Variants in GPHN observed in about 807,000 individuals in gnomAD.
The protein encoded by GPHN is gephyrin.
Under a neutral mutation model 95.5 loss-of-function variants are expected in GPHN, and 17 were observed. The ratio of observed to expected loss-of-function variants is 0.18; its 90% confidence interval spans 0.12 to 0.27. The LOEUF is 0.27. Among genes scored for constraint, GPHN ranks in the 10% least tolerant of loss-of-function variants. GPHN has a pLI of 1.00. For missense variants in GPHN, 660 were observed against 978.1 expected (o/e 0.67, Z 4.34); for synonymous variants, 320 against 322.5 (o/e 0.99, Z 0.08).
intron 1 of GPHN, among the ~76,000 whole-genome samples, chr14:66,528,737 T>A (rs2058791008): frequency 1.3e-5 from 2 of 152,192 alleles, no homozygotes; most frequent in African/African-American, 4.8e-5. Context: ...TTTGGCTGGA[T>A]ATGTGGTAAT....
At chr14:67,044,968 A>G (rs1264240464) in intron 10 of GPHN, among the ~76,000 whole-genome samples, 1 of 152,052 alleles carries the variant, frequency 6.6e-6, no homozygotes, top group African/African-American at 2.4e-5. Context: ...GAAACCCCAG[A>G]TTTCATCTCC....
chr14:67,586,795 C>G, the GPHN span: 1 of 1,400,730 alleles, frequency 7.1e-7, no homozygotes, highest in Non-Finnish European at 9.4e-7. Flanking sequence ...AAGAAGGCCC[C>G]TTCCCTGGTT....
the GPHN span, among the ~76,000 whole-genome samples, chr14:67,566,852 G>T: frequency 6.6e-6 from 1 of 152,056 alleles, no homozygotes; most frequent in Non-Finnish European, 1.5e-5. Context: ...GAGACGAGGA[G>T]TTATTGTCTC....
chr14:67,291,298 G>A, the GPHN span, among the ~76,000 whole-genome samples: 637 of 150,228 alleles, frequency 4.2e-3, 17 homozygotes, highest in East Asian at 0.056. Context: ...GTGTGATCTC[G>A]GCTCACTGCA....
chr14:66,535,731 T>C (rs2140001501), intron 1 of GPHN, among the ~76,000 whole-genome samples: 1 of 152,306 alleles, frequency 6.6e-6, no homozygotes, highest in East Asian at 1.9e-4. Flanking sequence ...CTATTGTAAA[T>C]GGTATTCGTT....
chr14:67,704,070 G>T, the GPHN span, among the ~76,000 whole-genome samples: 1 of 152,134 alleles, frequency 6.6e-6, no homozygotes, highest in African/African-American at 2.4e-5. Flanking sequence ...GATCTCAGTA[G>T]TTCTATTTTC....
At chr14:66,729,130 C>T (rs1040598313) in intron 2 of GPHN, among the ~76,000 whole-genome samples, 1 of 152,174 alleles carries the variant, frequency 6.6e-6, no homozygotes, top group Non-Finnish European at 1.5e-5. Context: ...GCTTGCTCCT[C>T]CTTGCCTTCC....
chr14:66,580,185 A>C lies in GPHN; in HGVS notation c.64+71594A>C, dbSNP rs369146260. On this transcript the variant is annotated intron_variant, in intron 1 of 22. Coordinates refer to ENST00000478722, the MANE Select transcript of GPHN (RefSeq NM_020806.5). ...TACCTTGACACTAATGAAAGTGGACACTCAACATATCAATTTGTATAGGAT... is the reference window on the plus strand; with the variant it reads ...TACCTTGACACTAATGAAAGTGGACCCTCAACATATCAATTTGTATAGGAT... Among the ~76,000 whole-genome samples the C allele has an allele frequency of 6.6e-5, 10 of 151,950 alleles. No individual in the cohort carries two copies. In the East Asian group the frequency reaches 1.2e-3, roughly 18 times the overall value.
At chr14:67,272,239 T>C in the GPHN span, among the ~76,000 whole-genome samples, 1 of 152,224 alleles carries the variant, frequency 6.6e-6, no homozygotes, top group African/African-American at 2.4e-5. Flanking sequence ...TCAAACTTTC[T>C]AGTCCTATCT....
At chr14:67,051,595 A>G (rs1469138128) in intron 10 of GPHN, among the ~76,000 whole-genome samples, 1 of 152,204 alleles carries the variant, frequency 6.6e-6, no homozygotes, top group Non-Finnish European at 1.5e-5. Flanking sequence ...CAAATTCAGG[A>G]AATCCAGAGA....
chr14:67,409,800 C>T, the GPHN span, among the ~76,000 whole-genome samples: 20 of 152,322 alleles, frequency 1.3e-4, no homozygotes, highest in Middle Eastern at 3.4e-3. Flanking sequence ...TCTCCTAAGA[C>T]TATGGAATCC....
intron 10 of GPHN, among the ~76,000 whole-genome samples, chr14:67,032,959 T>C (rs1390949048): frequency 1.3e-5 from 2 of 151,994 alleles, no homozygotes; most frequent in Non-Finnish European, 2.9e-5. Flanking sequence ...ACCTGGCAAA[T>C]AATTCAAAAT....
chr14:66,638,517 T>C (rs183739863), intron 1 of GPHN, among the ~76,000 whole-genome samples: 1 of 152,254 alleles, frequency 6.6e-6, no homozygotes, highest in Admixed American at 6.5e-5. Context: ...TGAAGTCATC[T>C]AGAAGAGTAG....
At chr14:67,276,578 T>C in the GPHN span, among the ~76,000 whole-genome samples, 1 of 152,316 alleles carries the variant, frequency 6.6e-6, no homozygotes, top group Non-Finnish European at 1.5e-5. Context: ...GCACTGGAGC[T>C]ATAAAAGTAA....
the GPHN span, among the ~76,000 whole-genome samples, chr14:67,452,545 T>A: frequency 6.6e-6 from 1 of 152,148 alleles, no homozygotes; most frequent in Admixed American, 6.5e-5. Flanking sequence ...CAATACAAGG[T>A]CCAAGTGGCC....
At chr14:67,253,974 TCCATTTTGAGTAATGGATGTCTTTCATG>T in the GPHN span, among the ~76,000 whole-genome samples, 1 of 151,206 alleles carries the variant, frequency 6.6e-6, no homozygotes, top group African/African-American at 2.4e-5. Flanking sequence ...TTTTTTTTTT[TCCATTTTGAGTAATGGATGTCTTTCATG>T]TCTTTTTTGG....
the GPHN span, chr14:67,586,590 A>T: frequency 8.4e-6 from 4 of 475,728 alleles, no homozygotes; most frequent in Non-Finnish European, 1.5e-5. Flanking sequence ...CTTTGTTCCT[A>T]CTCAATACAG....
At chr14:67,493,132 T>C in the GPHN span, among the ~76,000 whole-genome samples, 1 of 152,166 alleles carries the variant, frequency 6.6e-6, no homozygotes, top group African/African-American at 2.4e-5. Context: ...TAGGAGAAAG[T>C]TAGACAAGTT....
At chr14:67,642,521 C>G in the GPHN span, among the ~76,000 whole-genome samples, 8 of 152,148 alleles carry the variant, frequency 5.3e-5, no homozygotes, top group Non-Finnish European at 1.0e-4. Context: ...TGTCTAAGAT[C>G]CTGAGCTGCT....
Sources: allele counts gnomAD v4.1 joint callset (sites outside exome capture counted in the v4.1 genomes callset), GRCh38; gene constraint gnomAD v4.1.1; transcripts MANE v1.5; gene names NCBI Gene and HGNC (gene_info 2026-07-23, HGNC 2026-07-21).